Variants in DAB1 observed in about 807,000 individuals in gnomAD.
DAB1 encodes the protein disabled homolog 1.
In DAB1, 15 loss-of-function variants were observed where a neutral mutation model predicts 64.6. That is an observed-to-expected ratio of 0.23 (90% CI 0.16 to 0.36). The LOEUF is 0.36. Ranked by LOEUF, DAB1 falls within the 10% of genes least tolerant of loss-of-function variation. The pLI is 1.00. For missense variants in DAB1, 596 were observed against 706.7 expected (o/e 0.84, Z 1.78); for synonymous variants, 235 against 251.9 (o/e 0.93, Z 0.64).
upstream of DAB1, among the ~76,000 whole-genome samples, chr1:57,428,747 C>A (rs1685381539): frequency 6.8e-6 from 1 of 147,094 alleles, no homozygotes; most frequent in South Asian, 2.2e-4. Context: ...TATTCTGTTC[C>A]ATAATGGCTA....
chr1:57,245,030 C>T (rs79015467), intron 2 of DAB1, among the ~76,000 whole-genome samples: 4,608 of 152,188 alleles, frequency 0.03, 330 homozygotes, highest in Admixed American at 0.18. Context: ...CAGAAGAAGA[C>T]AGGGAAATGT....
At chr1:57,434,445 T>C (rs752766862) in intron 7 of DAB1, among the ~76,000 whole-genome samples, 32 of 152,332 alleles carry the variant, frequency 2.1e-4, no homozygotes, top group Non-Finnish European at 4.6e-4. Context: ...AAAATAAATC[T>C]ACAAGTGAAA....
intron 2 of DAB1, among the ~76,000 whole-genome samples, chr1:57,245,173 T>C (rs1668771329): frequency 6.6e-6 from 1 of 152,130 alleles, no homozygotes; most frequent in Non-Finnish European, 1.5e-5. Flanking sequence ...GGAGTAAAGG[T>C]CCCTTTTGCT....
intron 3 of DAB1, among the ~76,000 whole-genome samples, chr1:58,398,787 C>A (rs2100561799): frequency 6.6e-6 from 1 of 152,248 alleles, no homozygotes; most frequent in South Asian, 2.1e-4. Context: ...CTCCTCAGTG[C>A]AGTTCTTTAC....
At chr1:58,117,717 A>C in intron 5 of DAB1, among the ~76,000 whole-genome samples, 1 of 152,204 alleles carries the variant, frequency 6.6e-6, no homozygotes, top group East Asian at 1.9e-4. Context: ...GATTTTTAAA[A>C]ATTAAGATTA....
intron 4 of DAB1, among the ~76,000 whole-genome samples, chr1:58,205,670 G>A (rs1658235446): frequency 6.6e-6 from 1 of 152,120 alleles, no homozygotes; most frequent in African/African-American, 2.4e-5. Context: ...CAGCAATTGG[G>A]GCCAAACTAT....
intron 4 of DAB1, among the ~76,000 whole-genome samples, chr1:57,114,932 TTCTC>T (rs1376749063): frequency 6.6e-6 from 1 of 152,174 alleles, no homozygotes; most frequent in Non-Finnish European, 1.5e-5. Flanking sequence ...TTTTTTTTCT[TTCTC>T]TATCTGTAGA....
Position 58,420,006 on chromosome 1 carries a change from A to C in DAB1, n.258-76603T>G, listed in dbSNP as rs1435382719. ...GCCTCTCCATCCCATTTGGCTTCTC[A>C]GTTTTACCATTTCCTATGTAATCAT... On this transcript the variant is annotated intron_variant and non_coding_transcript_variant, in intron 3 of 20. Transcript: ENST00000485760. Among the ~76,000 whole-genome samples, 3 of 152,136 alleles carry C rather than the reference A, an allele frequency of 2.0e-5. No individual in the cohort carries two copies. The East Asian group carries it at 5.8e-4, about 29-fold the overall frequency.
chr1:58,518,866 T>C (rs549135099), intron 2 of DAB1, among the ~76,000 whole-genome samples: 17 of 152,324 alleles, frequency 1.1e-4, no homozygotes, highest in African/African-American at 4.1e-4. Context: ...ATTTTAATTA[T>C]ATTAAGTGTA....
At chr1:57,420,992 T>A (rs147166710) in intron 1 of DAB1, among the ~76,000 whole-genome samples, 80 of 152,310 alleles carry the variant, frequency 5.3e-4, no homozygotes, top group Non-Finnish European at 1.0e-3. Context: ...AAACAAAATG[T>A]TTGACTTGAG....
chr1:58,514,191 C>A (rs1646125232), intron 2 of DAB1, among the ~76,000 whole-genome samples: 1 of 151,898 alleles, frequency 6.6e-6, no homozygotes, highest in South Asian at 2.1e-4. Context: ...CTAGTACAAT[C>A]CAGAGAATAT....
intron 7 of DAB1, among the ~76,000 whole-genome samples, chr1:57,433,850 C>T: frequency 7.2e-6 from 1 of 138,476 alleles, no homozygotes; most frequent in East Asian, 2.0e-4. Flanking sequence ...TGACAGCTCA[C>T]CAAAAAAAAA....
chr1:57,787,804 A>C (rs1320350223), intron 6 of DAB1, among the ~76,000 whole-genome samples: 4 of 151,912 alleles, frequency 2.6e-5, no homozygotes, highest in Non-Finnish European at 5.9e-5. Context: ...AATACATAAA[A>C]ACTTCCTAAA....
Position 57,525,007 on chromosome 1 carries a change from G to T in DAB1, n.625+124585C>A, listed in dbSNP as rs535920365. Among the ~76,000 whole-genome samples, 11 of 152,270 alleles carry T rather than the reference G, an allele frequency of 7.2e-5. No homozygotes were observed. The East Asian group carries it at 2.1e-3, about 29-fold the overall frequency. ...CAATGAAACACTATTTAGAGAAAAT[G>T]ATTTACAACCCAAAGTCTGCATTCA... On this transcript the variant is annotated intron_variant and non_coding_transcript_variant, in intron 7 of 20. Transcript: ENST00000485760.
chr1:58,085,274 G>A, intron 5 of DAB1, among the ~76,000 whole-genome samples: 1 of 152,246 alleles, frequency 6.6e-6, no homozygotes, highest in East Asian at 1.9e-4. Flanking sequence ...GGCAAATACT[G>A]TGAAGCTGCT....
intron 4 of DAB1, among the ~76,000 whole-genome samples, chr1:58,156,905 T>C (rs754101912): frequency 2.6e-5 from 4 of 152,166 alleles, no homozygotes; most frequent in African/African-American, 4.8e-5. Context: ...TACTAGCTAA[T>C]TACAAGAGCA....
chr1:57,529,278 CT>C (rs1188186291), intron 7 of DAB1, among the ~76,000 whole-genome samples: 1 of 151,826 alleles, frequency 6.6e-6, no homozygotes, highest in African/African-American at 2.4e-5. Flanking sequence ...GAAAGAGTAC[CT>C]GAGTAACCAA....
chr1:57,029,590 A>T (rs1295724827), intron 9 of DAB1, among the ~76,000 whole-genome samples: 1 of 152,140 alleles, frequency 6.6e-6, no homozygotes, highest in African/African-American at 2.4e-5. Flanking sequence ...GGGAGGCTGT[A>T]CCCTGCAAAG....
chr1:57,813,251 G>A (rs2101887083), intron 6 of DAB1, among the ~76,000 whole-genome samples: 1 of 152,184 alleles, frequency 6.6e-6, no homozygotes, highest in Non-Finnish European at 1.5e-5. Flanking sequence ...ATAACTAAAG[G>A]AATGGCAAAA....
Sources: gnomAD v4.1 joint callset for allele counts (sites outside exome capture counted in the v4.1 genomes callset) on GRCh38, gnomAD v4.1.1 for gene constraint, MANE v1.5 for transcripts, NCBI Gene and HGNC (gene_info 2026-07-23, HGNC 2026-07-21) for gene names.